MBNL1: variants seen among roughly 807,000 people sequenced by gnomAD.
MBNL1 encodes muscleblind-like protein 1.
MBNL1 carries 8 observed loss-of-function variants against 42.2 expected under a neutral mutation model. The observed-to-expected ratio is 0.19, with a 90% CI of 0.11 to 0.34. MBNL1 has a LOEUF of 0.34. MBNL1 is among the 10% of genes least tolerant of loss of function. The pLI is 1.00. For synonymous variants in MBNL1, 169 were observed against 173.9 expected (o/e 0.97, Z 0.22); for missense variants, 309 against 495.3 (o/e 0.62, Z 3.57).
intron 2 of MBNL1, among the ~76,000 whole-genome samples, chr3:152,409,124 AACTC>A (rs2098507894): frequency 6.6e-6 from 1 of 152,214 alleles, no homozygotes; most frequent in African/African-American, 2.4e-5. Flanking sequence ...GAGTGAATCA[AACTC>A]ATATCTACCA....
chr3:152,446,811 GT>G (rs576213911), intron 5 of MBNL1: 1,603 of 1,358,626 alleles, frequency 1.2e-3, no homozygotes, highest in South Asian at 1.4e-3. Context: ...GTAGATACAA[GT>G]TTTTTTTTTA....
intron 2 of MBNL1, among the ~76,000 whole-genome samples, chr3:152,406,312 A>T (rs1475738729): frequency 6.6e-6 from 1 of 152,268 alleles, no homozygotes; most frequent in East Asian, 1.9e-4. Flanking sequence ...ATCACAAGCA[A>T]CTCTAAATAG....
At chr3:152,272,228 A>G (rs977642314) in intron 1 of MBNL1, among the ~76,000 whole-genome samples, 1 of 152,168 alleles carries the variant, frequency 6.6e-6, no homozygotes, top group Non-Finnish European at 1.5e-5. Flanking sequence ...ATACATAGAA[A>G]TACCTCGTCT....
chr3:152,356,348 G>C (rs1292971597), intron 2 of MBNL1, among the ~76,000 whole-genome samples: 1 of 151,946 alleles, frequency 6.6e-6, no homozygotes, highest in South Asian at 2.1e-4. Flanking sequence ...TTTTTAAAGG[G>C]TATTGTCTCT....
chr3:152,383,845 T>C (rs891876540), intron 2 of MBNL1, among the ~76,000 whole-genome samples: 11 of 152,072 alleles, frequency 7.2e-5, no homozygotes, highest in South Asian at 2.1e-4. Context: ...TGAAGAGAAA[T>C]TAATTTCATC....
chr3:152,378,335 A>AT (rs1292965712), intron 2 of MBNL1, among the ~76,000 whole-genome samples: 16 of 152,096 alleles, frequency 1.1e-4, no homozygotes, highest in Admixed American at 1.3e-4. Context: ...CTCTATGTCT[A>AT]TTTTTTTTAA....
intron 2 of MBNL1, among the ~76,000 whole-genome samples, chr3:152,404,750 G>T (rs967282555): frequency 6.7e-6 from 1 of 148,838 alleles, no homozygotes; most frequent in African/African-American, 2.5e-5. Flanking sequence ...TTATATAATA[G>T]TTTTTAAATT....
chr3:152,307,910 C>G (rs780943184), intron 2 of MBNL1, among the ~76,000 whole-genome samples: 1 of 151,924 alleles, frequency 6.6e-6, no homozygotes, highest in Non-Finnish European at 1.5e-5. Context: ...AGGAGTGAAC[C>G]CAAAATAGCA....
chr3:152,245,031 CA>C (rs1334202687), intron 2 of MBNL1, among the ~76,000 whole-genome samples: 3 of 151,826 alleles, frequency 2.0e-5, no homozygotes, highest in South Asian at 2.1e-4. Flanking sequence ...ATGAAATATG[CA>C]AATCTAATTT....
intron 2 of MBNL1, among the ~76,000 whole-genome samples, chr3:152,347,273 C>T (rs1484625210): frequency 6.6e-6 from 1 of 150,970 alleles, no homozygotes; most frequent in Non-Finnish European, 1.5e-5. Flanking sequence ...CATTAGAGAA[C>T]CAAAAATATT....
chr3:152,383,335 T>C (rs1302855475), intron 2 of MBNL1, among the ~76,000 whole-genome samples: 1 of 152,092 alleles, frequency 6.6e-6, no homozygotes, highest in Non-Finnish European at 1.5e-5. Flanking sequence ...TGAAATGTTA[T>C]GTAATTTCAC....
intron 2 of MBNL1, among the ~76,000 whole-genome samples, chr3:152,322,206 G>T (rs1424420190): frequency 2.0e-5 from 3 of 151,970 alleles, no homozygotes; most frequent in Admixed American, 6.6e-5. Context: ...ATAAGGCCGT[G>T]CCTTAGTCTT....
intron 2 of MBNL1, among the ~76,000 whole-genome samples, chr3:152,389,567 T>G (rs887415264): frequency 6.6e-6 from 1 of 152,212 alleles, no homozygotes; most frequent in Non-Finnish European, 1.5e-5. Context: ...AAACCTGTAC[T>G]GCGTGTAACT....
intron 2 of MBNL1, among the ~76,000 whole-genome samples, chr3:152,322,072 T>TA (rs397695959): frequency 3.3e-5 from 5 of 151,698 alleles, no homozygotes; most frequent in Admixed American, 6.6e-5. Flanking sequence ...AGAGTTTTTT[T>TA]AACCATATTT....
chr3:152,439,327 T>G (rs939513813), intron 4 of MBNL1, among the ~76,000 whole-genome samples: 2 of 152,244 alleles, frequency 1.3e-5, no homozygotes, highest in East Asian at 1.9e-4. Context: ...TATGTTGGGA[T>G]TTTTTAGGTG....
chr3:152,422,377 GA>G lies in MBNL1; in HGVS notation c.345+7267del, dbSNP rs2098821353. The stretch of plus-strand genomic sequence containing the variant: ...GAAGGGCATTACATAATGGTAAAGG[GA>G]TCAATGCAACAAGAAGAGCTAACTA... On this transcript the variant is annotated intron_variant, in intron 3 of 9. Transcript: ENST00000324210. Among the ~76,000 whole-genome samples the G allele has an allele frequency of 2.0e-5, 3 of 151,940 alleles. No homozygotes were observed. The South Asian group carries it at 6.2e-4, about 32-fold the overall frequency.
At chr3:152,263,408 A>C (rs2036632913), upstream of MBNL1, 1 of 152,226 alleles carries the variant, frequency 6.6e-6, no homozygotes, top group Non-Finnish European at 1.5e-5. Flanking sequence ...GTCACACACA[A>C]ACAGGCATAC....
rs908830510 is a variant in MBNL1, at chr3:152,423,052, G to A, written c.345+7941G>A. 2.0e-5 allele frequency among the ~76,000 whole-genome samples: 3 copies of A among 152,256 alleles called. No homozygotes were observed. In the East Asian group the frequency reaches 5.8e-4, roughly 29 times the overall value. On this transcript the variant is annotated intron_variant, in intron 3 of 9. Coordinates refer to ENST00000324210, the MANE Select transcript of MBNL1 (RefSeq NM_021038.5). Reference sequence around the variant, plus strand: ...GATTAAAATAACGAGAGAAGCAAGGGCAAACAAATTCAAAAGCTAGCAGAA... The same window carrying A: ...GATTAAAATAACGAGAGAAGCAAGGACAAACAAATTCAAAAGCTAGCAGAA...
chr3:152,432,627 A>C, intron 3 of MBNL1, 90 bp from the exon 4 acceptor site: 5 of 1,131,068 alleles, frequency 4.4e-6, no homozygotes, highest in Non-Finnish European at 6.7e-6. Context: ...GGAAGAATGG[A>C]TAGATGGATG....
Sources: allele counts gnomAD v4.1 joint callset (sites outside exome capture counted in the v4.1 genomes callset), GRCh38; gene constraint gnomAD v4.1.1; transcripts MANE v1.5; gene names NCBI Gene and HGNC (gene_info 2026-07-23, HGNC 2026-07-21).